ANK3: variants seen among roughly 807,000 people sequenced by gnomAD.
ANK3 encodes ankyrin 3.
ANK3 carries 57 observed loss-of-function variants against 370.9 expected under a neutral mutation model. The ratio of observed to expected loss-of-function variants is 0.15; its 90% confidence interval spans 0.12 to 0.19. The LOEUF (loss-of-function observed/expected upper bound fraction) is 0.19. ANK3 is among the 10% of genes least tolerant of loss of function. The pLI, the probability that ANK3 is intolerant of heterozygous loss-of-function variation, is 1.00. For synonymous variants in ANK3, 1,929 were observed against 1,946.3 expected (o/e 0.99, Z 0.23); for missense variants, 4,439 against 5,302.1 (o/e 0.84, Z 5.06).
intron 43 of ANK3, among the ~76,000 whole-genome samples, chr10:60,041,274 A>C (rs1464651864): frequency 6.6e-6 from 1 of 152,244 alleles, no homozygotes; most frequent in East Asian, 1.9e-4. Context: ...GTGGTTTCCC[A>C]CTGCTTTTCG....
Position 60,069,694 on chromosome 10 carries a change from G to A in ANK3, c.11187C>T (p.Ser3729=), listed in dbSNP as rs1371977716. 3 of 1,613,822 alleles carry A rather than the reference G, an allele frequency of 1.9e-6. No individual in the cohort carries two copies. The highest frequency in any genetic ancestry group is 2.7e-5 in the African/African-American group (2 of 74,868). ...GGCCTTCTTTCTTCATGGTCATGGT[G>A]GATGCAGAAATTCCCATTTTTATAG... ...RTPIKMGISA[S]TMTMKKEGPG... The change falls in exon 37 of 44, where the codon TCC becomes TCT. Residue 3729 remains serine (S), a synonymous_variant. Coordinates refer to ENST00000280772, the MANE Select transcript of ANK3 (RefSeq NM_020987.5).
At chr10:60,421,001 T>C (rs966131850) in intron 2 of ANK3, among the ~76,000 whole-genome samples, 2 of 152,130 alleles carry the variant, frequency 1.3e-5, no homozygotes, top group Non-Finnish European at 2.9e-5. Context: ...TTACATACGA[T>C]GAATACTATT....
At chr10:60,424,759 T>C (rs1345473140) in intron 2 of ANK3, among the ~76,000 whole-genome samples, 1 of 152,058 alleles carries the variant, frequency 6.6e-6, no homozygotes, top group Non-Finnish European at 1.5e-5. Flanking sequence ...TAGATGATAA[T>C]ATCCCTCTTA....
chr10:60,065,907 C>G (rs949941793), intron 38 of ANK3, among the ~76,000 whole-genome samples: 1 of 151,916 alleles, frequency 6.6e-6, no homozygotes, highest in African/African-American at 2.4e-5. Context: ...TGCATTAAAA[C>G]CAAGATCAGA....
chr10:60,393,484 T>C (rs888490458), upstream of ANK3, among the ~76,000 whole-genome samples: 4 of 152,164 alleles, frequency 2.6e-5, no homozygotes, highest in Non-Finnish European at 4.4e-5. Context: ...AAAAATATCT[T>C]TCCATGTTGG....
intron 2 of ANK3, among the ~76,000 whole-genome samples, chr10:60,577,132 A>C (rs541090574): frequency 2.4e-4 from 36 of 152,214 alleles, no homozygotes; most frequent in Admixed American, 8.5e-4. Flanking sequence ...CCATCAGAGA[A>C]GGGAACAGTA....
At chr10:60,258,888 T>C (rs1423087765) in intron 7 of ANK3, among the ~76,000 whole-genome samples, 1 of 152,192 alleles carries the variant, frequency 6.6e-6, no homozygotes, top group Admixed American at 6.5e-5. Flanking sequence ...TTAATCTACT[T>C]CTAACCACCT....
At chr10:60,227,236 T>C (rs1171323831) in intron 8 of ANK3, among the ~76,000 whole-genome samples, 1 of 152,104 alleles carries the variant, frequency 6.6e-6, no homozygotes, top group Non-Finnish European at 1.5e-5. Context: ...ATATTTTTCA[T>C]TCAGAACTTT....
intron 1 of ANK3, among the ~76,000 whole-genome samples, chr10:60,290,381 C>G (rs2041054857): frequency 7.0e-6 from 1 of 143,448 alleles, no homozygotes; most frequent in African/African-American, 2.5e-5. Flanking sequence ...GGAAAGACCT[C>G]AGATTATTAA....
intron 1 of ANK3, among the ~76,000 whole-genome samples, chr10:60,289,446 C>T (rs1019666588): frequency 2.6e-5 from 4 of 151,890 alleles, no homozygotes; most frequent in African/African-American, 9.7e-5. Flanking sequence ...AGGTCTCACT[C>T]TCGCACCCAG....
intron 1 of ANK3, among the ~76,000 whole-genome samples, chr10:60,316,967 C>T (rs968209026): frequency 5.3e-5 from 8 of 152,060 alleles, no homozygotes; most frequent in African/African-American, 1.4e-4. Context: ...AGGATGGTCT[C>T]GATCTCCTGA....
chr10:60,329,868 C>G lies in ANK3; in HGVS notation c.115-50229G>C, dbSNP rs183977241. 1.3e-3 allele frequency among the ~76,000 whole-genome samples: 203 copies of G among 152,268 alleles called. 2 individuals are homozygous for G. Among genetic ancestry groups the G allele is most frequent in the African/African-American group, 4.7e-3 (197 of 41,570 alleles). ...AAAGTACAAAGCTGAAGGCATCACACTAGCTGACTTCAAACTATACTACAA... is the reference window on the plus strand; with the variant it reads ...AAAGTACAAAGCTGAAGGCATCACAGTAGCTGACTTCAAACTATACTACAA... On this transcript the variant is annotated intron_variant, in intron 1 of 43. Coordinates refer to ENST00000280772, the MANE Select transcript of ANK3 (RefSeq NM_020987.5).
intron 28 of ANK3, among the ~76,000 whole-genome samples, chr10:60,089,205 C>T (rs1211568109): frequency 1.3e-5 from 2 of 152,150 alleles, no homozygotes; most frequent in Non-Finnish European, 2.9e-5. Flanking sequence ...ACATCTTCTT[C>T]CCTGCTGTCT....
intron 2 of ANK3, among the ~76,000 whole-genome samples, chr10:60,545,888 G>T (rs541584794): frequency 2.0e-4 from 30 of 152,292 alleles, no homozygotes; most frequent in African/African-American, 7.0e-4. Flanking sequence ...ATGATATAAT[G>T]AGTTTTCAGA....
intron 14 of ANK3, among the ~76,000 whole-genome samples, chr10:60,196,941 T>G (rs867978277): frequency 6.6e-6 from 1 of 152,168 alleles, no homozygotes; most frequent in South Asian, 2.1e-4. Context: ...CTCACCAGGA[T>G]GAAGTTGGAG....
chr10:60,675,896 A>G (rs1207002256), intron 1 of ANK3, among the ~76,000 whole-genome samples: 1 of 152,218 alleles, frequency 6.6e-6, no homozygotes, highest in East Asian at 1.9e-4. Flanking sequence ...TTCTTCAGGA[A>G]CATAGCCAAC....
At chr10:60,445,161 A>C (rs2064410310) in intron 2 of ANK3, among the ~76,000 whole-genome samples, 1 of 152,200 alleles carries the variant, frequency 6.6e-6, no homozygotes. Context: ...ACAGTGGCTC[A>C]CGCCTATGCT....
chr10:60,541,222 T>C (rs1392889742), intron 2 of ANK3, among the ~76,000 whole-genome samples: 1 of 151,994 alleles, frequency 6.6e-6, no homozygotes, highest in Non-Finnish European at 1.5e-5. Flanking sequence ...GAAAAGTCTG[T>C]ATGACTCTCC....
intron 4 of ANK3, among the ~76,000 whole-genome samples, chr10:60,272,319 A>G (rs2098005136): frequency 6.6e-6 from 1 of 152,190 alleles, no homozygotes; most frequent in Non-Finnish European, 1.5e-5. Context: ...AAACAAGAAA[A>G]GAAAAGAAAA....
Sources: gnomAD v4.1 joint callset for allele counts (sites outside exome capture counted in the v4.1 genomes callset) on GRCh38, gnomAD v4.1.1 for gene constraint, MANE v1.5 for transcripts, NCBI Gene and HGNC (gene_info 2026-07-23, HGNC 2026-07-21) for gene names.